IQCM: variants seen among roughly 807,000 people sequenced by gnomAD.
IQCM encodes the protein IQ motif containing M.
A neutral mutation model predicts 57.6 loss-of-function variants in IQCM; 45 were observed. The observed-to-expected ratio is 0.78, with a 90% CI of 0.62 to 1.00. IQCM has a LOEUF of 1.00. IQCM is among the 50% of genes least tolerant of loss of function. The probability of loss-of-function intolerance (pLI) is 0.00; values close to 1 mark genes in which losing one functional copy is unlikely to be tolerated. For synonymous variants in IQCM, 148 were observed against 158.9 expected, an observed-to-expected ratio of 0.93 and a Z score of 0.51; for missense variants, 468 against 511.6, an observed-to-expected ratio of 0.91 and a Z score of 0.82.
In IQCM at chr4:149,410,735, T is replaced by TGAC. The variant is rs2111172674; in HGVS notation, c.1390+22660_1390+22661insGTC. On this transcript the variant is annotated intron_variant, in intron 13 of 13. Coordinates refer to ENST00000636793, the MANE Select transcript of IQCM (RefSeq NM_001363507.2). ...ATTAGTAAAAAGTCAGACTTCTATCTTTATCTAATGATATCTGATGAAGAT... is the reference window on the plus strand; with the variant it reads ...ATTAGTAAAAAGTCAGACTTCTATCTGACTTATCTAATGATATCTGATGAAGAT... Among the ~76,000 whole-genome samples the TGAC allele has an allele frequency of 2.0e-5, 3 of 152,156 alleles. No homozygotes were observed. In the South Asian group the frequency reaches 6.2e-4, roughly 32 times the overall value.
At chr4:149,547,891 T>C (rs1194466087) in intron 12 of IQCM, among the ~76,000 whole-genome samples, 2 of 152,226 alleles carry the variant, frequency 1.3e-5, no homozygotes, top group African/African-American at 4.8e-5. Flanking sequence ...TTCATACTTT[T>C]GTGACAATTT....
chr4:149,415,403 G>A (rs1733675569), intron 13 of IQCM, among the ~76,000 whole-genome samples: 1 of 152,144 alleles, frequency 6.6e-6, no homozygotes, highest in African/African-American at 2.4e-5. Flanking sequence ...AAGTATCTAT[G>A]TATTGCTTGC....
At chr4:149,441,897 A>C (rs974500048) in intron 12 of IQCM, among the ~76,000 whole-genome samples, 2 of 152,074 alleles carry the variant, frequency 1.3e-5, no homozygotes, top group Non-Finnish European at 1.5e-5. Context: ...CATGGGTGGG[A>C]TTAATGCCCT....
At chr4:149,440,147 T>TC (rs1211685487) in intron 12 of IQCM, among the ~76,000 whole-genome samples, 1 of 144,144 alleles carries the variant, frequency 6.9e-6, no homozygotes, top group Non-Finnish European at 1.5e-5. Flanking sequence ...TTTTTTTTTT[T>TC]AGTAGAGACG....
intron 2 of IQCM, among the ~76,000 whole-genome samples, chr4:149,813,255 G>A (rs750859554): frequency 6.6e-6 from 1 of 152,048 alleles, no homozygotes; most frequent in Non-Finnish European, 1.5e-5. Context: ...GTCTGAAAGA[G>A]GTTGTCAGTT....
At chr4:149,423,857 T>C (rs1734284242) in intron 13 of IQCM, among the ~76,000 whole-genome samples, 1 of 151,986 alleles carries the variant, frequency 6.6e-6, no homozygotes, top group Non-Finnish European at 1.5e-5. Context: ...TGCCTCCCAA[T>C]GGTAAATTTA....
intron 12 of IQCM, among the ~76,000 whole-genome samples, chr4:149,507,391 T>G (rs1743935707): frequency 6.6e-6 from 1 of 152,202 alleles, no homozygotes; most frequent in African/African-American, 2.4e-5. Context: ...CTTTGGAGAC[T>G]TTTTGAATGG....
chr4:149,695,368 G>T (rs1434060266), intron 5 of IQCM, among the ~76,000 whole-genome samples: 2 of 152,066 alleles, frequency 1.3e-5, no homozygotes, highest in African/African-American at 4.8e-5. Context: ...CAAATACAGC[G>T]CTATGAAACT....
chr4:149,659,880 A>G (rs1218785327), intron 7 of IQCM, among the ~76,000 whole-genome samples: 18 of 151,678 alleles, frequency 1.2e-4, no homozygotes, highest in Admixed American at 1.2e-3. Context: ...TAAAAACCCT[A>G]GAAGAAAACC....
intron 8 of IQCM, among the ~76,000 whole-genome samples, chr4:149,616,597 T>C (rs1255446498): frequency 2.0e-5 from 3 of 152,168 alleles, no homozygotes; most frequent in Admixed American, 6.5e-5. Context: ...ATATGTTATG[T>C]ATATTTTACA....
chr4:149,768,190 GTTAGA>G (rs1166541697), intron 2 of IQCM, among the ~76,000 whole-genome samples: 2 of 152,034 alleles, frequency 1.3e-5, no homozygotes, highest in Non-Finnish European at 2.9e-5. Context: ...TGAAGCGATG[GTTAGA>G]TTAAATTGTT....
chr4:149,584,676 A>G (rs965142515), intron 9 of IQCM, among the ~76,000 whole-genome samples: 1 of 151,734 alleles, frequency 6.6e-6, no homozygotes, highest in Non-Finnish European at 1.5e-5. Flanking sequence ...GTACCCAAGC[A>G]CTATACAACC....
intron 7 of IQCM, among the ~76,000 whole-genome samples, chr4:149,622,349 A>C (rs2256532): frequency 6.8e-6 from 1 of 146,866 alleles, no homozygotes. Context: ...ATTCTTTTTT[A>C]TTTTTTTTTT....
intron 13 of IQCM, among the ~76,000 whole-genome samples, chr4:149,419,622 G>A (rs1324868868): frequency 5.9e-5 from 9 of 151,846 alleles, no homozygotes; most frequent in African/African-American, 1.7e-4. Flanking sequence ...CAATTGCAAC[G>A]AAGCCAAAAT....
intron 13 of IQCM, among the ~76,000 whole-genome samples, chr4:149,368,009 T>C (rs1449531435): frequency 6.6e-6 from 1 of 152,074 alleles, no homozygotes; most frequent in Non-Finnish European, 1.5e-5. Flanking sequence ...CTATTTTAAG[T>C]AGCTCATTGT....
chr4:149,533,795 G>C (rs1038346593), intron 12 of IQCM, among the ~76,000 whole-genome samples: 1 of 152,084 alleles, frequency 6.6e-6, no homozygotes, highest in Admixed American at 6.6e-5. Context: ...CCCATCACAT[G>C]TGGGGATTAT....
At chr4:149,620,847 G>T (rs1277887936) in intron 8 of IQCM, among the ~76,000 whole-genome samples, 1 of 152,106 alleles carries the variant, frequency 6.6e-6, no homozygotes, top group Non-Finnish European at 1.5e-5. Context: ...AATAGTGGAG[G>T]TGCTAACACA....
At chr4:149,481,696 G>GTTTTGTTTTGTTTTTTTTTT (rs1553975354) in intron 12 of IQCM, among the ~76,000 whole-genome samples, 1 of 33,602 alleles carries the variant, frequency 3.0e-5, no homozygotes, top group African/African-American at 1.2e-4. Context: ...GATTCTTCCA[G>GTTTTGTTTTGTTTTTTTTTT]TTTTGTTTTT....
At chr4:149,377,547 T>C (rs1295960612) in intron 13 of IQCM, among the ~76,000 whole-genome samples, 1 of 152,208 alleles carries the variant, frequency 6.6e-6, no homozygotes, top group Non-Finnish European at 1.5e-5. Context: ...TCTCTTGATG[T>C]CCTCATTCAG....
Sources: allele counts gnomAD v4.1 joint callset (sites outside exome capture counted in the v4.1 genomes callset), GRCh38; gene constraint gnomAD v4.1.1; transcripts MANE v1.5; gene names NCBI Gene and HGNC (gene_info 2026-07-23, HGNC 2026-07-21).